PARD3B: variants seen among roughly 807,000 people sequenced by gnomAD.
The protein encoded by PARD3B is par-3 family cell polarity regulator beta.
Under a neutral mutation model 130.2 loss-of-function variants are expected in PARD3B, and 103 were observed. That is an observed-to-expected ratio of 0.79 (90% CI 0.67 to 0.93). PARD3B has a LOEUF of 0.93. PARD3B is among the 40% of genes least tolerant of loss of function. PARD3B has a pLI of 0.00. For missense variants in PARD3B, 1,609 were observed against 1,499.2 expected, an observed-to-expected ratio of 1.07 and a Z score of -1.21; for synonymous variants, 583 against 553.2, an observed-to-expected ratio of 1.05 and a Z score of -0.76.
intron 22 of PARD3B, among the ~76,000 whole-genome samples, chr2:205,581,106 T>C (rs2053947450): frequency 6.6e-6 from 1 of 152,038 alleles, no homozygotes; most frequent in East Asian, 1.9e-4. Flanking sequence ...AGAAAGGGAA[T>C]TGGTATATCA....
chr2:205,382,209 T>G (rs1242121231), intron 18 of PARD3B, among the ~76,000 whole-genome samples: 2 of 152,090 alleles, frequency 1.3e-5, no homozygotes, highest in Non-Finnish European at 2.9e-5. Flanking sequence ...TGGTCCCCTG[T>G]GCTAGCTATG....
At chr2:204,653,683 A>G (rs1385186929) in intron 1 of PARD3B, among the ~76,000 whole-genome samples, 2 of 147,804 alleles carry the variant, frequency 1.4e-5, no homozygotes, top group African/African-American at 5.1e-5. Flanking sequence ...CCCAGCTACT[A>G]GGGAGGCTGA....
At chr2:205,436,252 A>G (rs1350143223) in intron 19 of PARD3B, among the ~76,000 whole-genome samples, 1 of 152,198 alleles carries the variant, frequency 6.6e-6, no homozygotes, top group Non-Finnish European at 1.5e-5. Flanking sequence ...GTATATCAAC[A>G]CATGAATTTT....
intron 1 of PARD3B, among the ~76,000 whole-genome samples, chr2:204,685,128 T>C (rs901157857): frequency 2.0e-5 from 3 of 152,162 alleles, no homozygotes; most frequent in Admixed American, 6.6e-5. Flanking sequence ...ATTCCGTGGG[T>C]TATATTAGTT....
intron 4 of PARD3B, among the ~76,000 whole-genome samples, chr2:205,085,449 A>G (rs896735351): frequency 6.6e-6 from 1 of 152,044 alleles, no homozygotes; most frequent in African/African-American, 2.4e-5. Context: ...TTTCTTAAAA[A>G]GAATAGACCC....
At chr2:205,027,058 G>T (rs1385294022) in intron 3 of PARD3B, among the ~76,000 whole-genome samples, 1 of 152,104 alleles carries the variant, frequency 6.6e-6, no homozygotes, top group Non-Finnish European at 1.5e-5. Flanking sequence ...TATGACCAAA[G>T]GTGCAATTCC....
At chr2:204,999,218 T>C (rs566771117) in intron 3 of PARD3B, among the ~76,000 whole-genome samples, 1 of 152,222 alleles carries the variant, frequency 6.6e-6, no homozygotes, top group South Asian at 2.1e-4. Flanking sequence ...AATCCAATGG[T>C]CCTATAATTC....
intron 18 of PARD3B, among the ~76,000 whole-genome samples, chr2:205,391,729 T>C (rs975707019): frequency 6.6e-6 from 1 of 152,198 alleles, no homozygotes; most frequent in Admixed American, 6.5e-5. Flanking sequence ...TCAATGACAG[T>C]GAATAAGCTT....
chr2:205,235,210 T>C (rs1476359837), intron 15 of PARD3B, among the ~76,000 whole-genome samples: 3 of 152,090 alleles, frequency 2.0e-5, no homozygotes, highest in Non-Finnish European at 4.4e-5. Context: ...CATTTGAGCG[T>C]AGGAGTTTGA....
At chr2:204,856,978 T>TTTTG (rs147531867) in intron 2 of PARD3B, among the ~76,000 whole-genome samples, 1 of 152,076 alleles carries the variant, frequency 6.6e-6, no homozygotes, top group Non-Finnish European at 1.5e-5. Context: ...CCTCCAGGTT[T>TTTTG]TTTGTTTGTT....
At chr2:204,953,030 GTATATA>G (rs1182475848) in intron 2 of PARD3B, among the ~76,000 whole-genome samples, 3 of 144,462 alleles carry the variant, frequency 2.1e-5, no homozygotes, top group African/African-American at 7.9e-5. Flanking sequence ...ATATATGTGT[GTATATA>G]TGTATATATG....
intron 10 of PARD3B, among the ~76,000 whole-genome samples, chr2:205,140,063 G>A (rs1349048022): frequency 1.3e-5 from 2 of 152,178 alleles, no homozygotes; most frequent in African/African-American, 2.4e-5. Flanking sequence ...AGCTCTCAAG[G>A]GAGTTGGCAT....
chr2:205,167,198 G>C (rs778436077), intron 11 of PARD3B, among the ~76,000 whole-genome samples: 66 of 152,186 alleles, frequency 4.3e-4, no homozygotes, highest in Middle Eastern at 3.4e-3. Context: ...AAGTACCCAG[G>C]CACCAGTGAA....
chr2:204,597,777 A>G lies in PARD3B; in HGVS notation c.120+51658A>G, dbSNP rs908081175. ...GAAATACTCCAAGTCAGCTTTTTGC[A>G]GAGGATGCCTTTATAGACCCTTGGT... is the stretch of plus-strand genomic sequence containing the variant. On this transcript the variant is annotated intron_variant, in intron 1 of 22. Transcript: ENST00000406610. Among the ~76,000 whole-genome samples, 3 of 152,192 alleles carry G rather than the reference A, an allele frequency of 2.0e-5. No homozygotes were observed. The South Asian group carries it at 6.2e-4, about 31-fold the overall frequency.
At chr2:204,982,927 G>T (rs978804462) in intron 3 of PARD3B, among the ~76,000 whole-genome samples, 1 of 152,174 alleles carries the variant, frequency 6.6e-6, no homozygotes, top group Non-Finnish European at 1.5e-5. Flanking sequence ...GCATATATCT[G>T]AAAGGAGAAC....
intron 2 of PARD3B, among the ~76,000 whole-genome samples, chr2:204,904,774 A>G (rs2046987740): frequency 6.6e-6 from 1 of 152,038 alleles, no homozygotes; most frequent in Non-Finnish European, 1.5e-5. Context: ...TTTTTATTTT[A>G]AAAAGGACAT....
chr2:204,547,459 A>G (rs1206737715), intron 1 of PARD3B, among the ~76,000 whole-genome samples: 1 of 152,202 alleles, frequency 6.6e-6, no homozygotes, highest in East Asian at 1.9e-4. Flanking sequence ...TGTGAAAATC[A>G]ACTGCAATGT....
chr2:204,891,439 C>T (rs1020309029), intron 2 of PARD3B, among the ~76,000 whole-genome samples: 13 of 152,058 alleles, frequency 8.5e-5, no homozygotes, highest in Admixed American at 5.9e-4. Context: ...AGACGGCAAC[C>T]GCAGCAGATT....
At chr2:205,192,192 G>A (rs1030732279) in intron 14 of PARD3B, among the ~76,000 whole-genome samples, 1 of 152,152 alleles carries the variant, frequency 6.6e-6, no homozygotes, top group Non-Finnish European at 1.5e-5. Context: ...ATTTCAGGTC[G>A]AGATTCTCTT....
Sources: gnomAD v4.1 joint callset for allele counts (sites outside exome capture counted in the v4.1 genomes callset) on GRCh38, gnomAD v4.1.1 for gene constraint, MANE v1.5 for transcripts, NCBI Gene and HGNC (gene_info 2026-07-23, HGNC 2026-07-21) for gene names.